FTO: variants seen among roughly 807,000 people sequenced by gnomAD.
FTO encodes FTO alpha-ketoglutarate dependent dioxygenase, also known as alpha-ketoglutarate-dependent dioxygenase FTO.
FTO carries 47 observed loss-of-function variants against 63.9 expected under a neutral mutation model. That is an observed-to-expected ratio of 0.74 (90% CI 0.58 to 0.94). The LOEUF (loss-of-function observed/expected upper bound fraction) is 0.94, where lower values mean the gene tolerates loss of function less well. FTO is among the 40% of genes least tolerant of loss of function. FTO has a pLI of 0.00. For synonymous variants in FTO, 207 were observed against 224.4 expected (o/e 0.92, Z 0.69); for missense variants, 562 against 618.1 (o/e 0.91, Z 0.96).
chr16:54,050,747 C>T (rs2085291905), intron 8 of FTO, among the ~76,000 whole-genome samples: 1 of 152,156 alleles, frequency 6.6e-6, no homozygotes, highest in Non-Finnish European at 1.5e-5. Flanking sequence ...AGCCTAAAAC[C>T]GCAATGGAGT....
In FTO at chr16:53,966,736, A is replaced by G. The variant is rs1006371500; in HGVS notation, c.1364+32627A>G. On this transcript the variant is annotated intron_variant, in intron 8 of 8. Coordinates refer to ENST00000471389, the MANE Select transcript of FTO (RefSeq NM_001080432.3). ...GTTCAGTGACCATCTTTGCAGTCAT[A>G]TACAAGTGATGCAATCACAAAAAGA... Among the ~76,000 whole-genome samples the G allele has an allele frequency of 3.3e-5, 5 of 152,228 alleles. No individual in the cohort carries two copies. The South Asian group carries it at 1.0e-3, about 32-fold the overall frequency.
intron 8 of FTO, among the ~76,000 whole-genome samples, chr16:53,947,308 T>G (rs2082673220): frequency 6.6e-6 from 1 of 152,210 alleles, no homozygotes; most frequent in Non-Finnish European, 1.5e-5. Context: ...GTCCCCAAGC[T>G]GTCTGTATTC....
intron 8 of FTO, among the ~76,000 whole-genome samples, chr16:54,083,270 C>T (rs930675134): frequency 1.3e-5 from 2 of 152,186 alleles, no homozygotes; most frequent in Non-Finnish European, 2.9e-5. Context: ...CCATTATCTC[C>T]TCACCTCCCC....
intron 8 of FTO, among the ~76,000 whole-genome samples, chr16:54,054,056 G>A (rs1017231046): frequency 6.6e-6 from 1 of 151,202 alleles, no homozygotes. Context: ...TTAGTTATTT[G>A]TTGTAATTAT....
intron 4 of FTO, among the ~76,000 whole-genome samples, chr16:53,854,876 A>G (rs945495283): frequency 6.6e-6 from 1 of 152,092 alleles, no homozygotes; most frequent in East Asian, 1.9e-4. Context: ...TTTGGGCAGT[A>G]TGGTCATTTT....
intron 8 of FTO, among the ~76,000 whole-genome samples, chr16:54,069,336 T>C (rs1446347144): frequency 6.6e-6 from 1 of 152,158 alleles, no homozygotes; most frequent in African/African-American, 2.4e-5. Context: ...GGCAGGGTAT[T>C]TAAAAGAACC....
chr16:53,762,987 G>A (rs189570985), intron 1 of FTO, among the ~76,000 whole-genome samples: 2 of 151,688 alleles, frequency 1.3e-5, no homozygotes, highest in Non-Finnish European at 2.9e-5. Flanking sequence ...AGCCTGATAC[G>A]ATCTTACTTT....
rs115057919 is a variant in FTO, at chr16:53,960,510, G to T, written c.1364+26401G>T. Among the ~76,000 whole-genome samples, 822 of 152,326 alleles carry T rather than the reference G, an allele frequency of 5.4e-3. 10 individuals are homozygous for T. The highest frequency in any genetic ancestry group is 0.017 in the African/African-American group (701 of 41,564). ...TCATTGTATTGTGCTTACAGACACA[G>T]TGTCAGCACATAAAATGTTAAACAT... On this transcript the variant is annotated intron_variant, in intron 8 of 8. Transcript: ENST00000471389.
intron 7 of FTO, among the ~76,000 whole-genome samples, chr16:53,914,166 G>A (rs1398852106): frequency 1.3e-5 from 2 of 151,952 alleles, no homozygotes; most frequent in African/African-American, 4.8e-5. Context: ...GGAAGACAGT[G>A]GTTTGCCTCA....
intron 1 of FTO, among the ~76,000 whole-genome samples, chr16:53,717,024 AT>A (rs1366216919): frequency 6.6e-6 from 1 of 151,480 alleles, no homozygotes; most frequent in Non-Finnish European, 1.5e-5. Flanking sequence ...AGTATATTAT[AT>A]TTTTTTCATA....
chr16:53,826,392 G>A lies in FTO; in HGVS notation c.652G>A (p.Glu218Lys). Reference sequence around the variant, plus strand: ...TCAGAAAATGCCATACCTGAAAGAGGAACCTTATTTTGGCATGGGGAAAAT... The same window carrying A: ...TCAGAAAATGCCATACCTGAAAGAGAAACCTTATTTTGGCATGGGGAAAAT... ...DPQKMPYLKE[E>K]PYFGMGKMAV... Residue 218 changes from glutamate (E) to lysine (K), a missense_variant, in exon 3 of 9, where the codon GAA becomes AAA. Physicochemically the swap from Glu to Lys is moderately conservative, Grantham distance 56. Transcript: ENST00000471389. 1 of 1,614,132 alleles carries A rather than the reference G, an allele frequency of 6.2e-7. No individual in the cohort carries two copies. The highest frequency in any genetic ancestry group is 8.5e-7 in the Non-Finnish European group (1 of 1,180,030).
At chr16:53,787,751 CAAATGACATTATAGTTAAATCAAGCCAAT>C (rs1271401506) in intron 1 of FTO, among the ~76,000 whole-genome samples, 2 of 151,898 alleles carry the variant, frequency 1.3e-5, no homozygotes. Context: ...CCAGGTGGGC[CAAATGACATTATAGTTAAATCAAGCCAAT>C]AAATATATGA....
At chr16:53,904,069 T>G (rs2081474008) in intron 7 of FTO, among the ~76,000 whole-genome samples, 1 of 151,926 alleles carries the variant, frequency 6.6e-6, no homozygotes, top group South Asian at 2.1e-4. Flanking sequence ...TATATGTATC[T>G]ATATTTACAT....
chr16:53,936,741 GA>G (rs1422554430), intron 8 of FTO, among the ~76,000 whole-genome samples: 2 of 152,180 alleles, frequency 1.3e-5, no homozygotes, highest in Non-Finnish European at 1.5e-5. Context: ...TTAGATAATA[GA>G]AATTTTTTTC....
intron 3 of FTO, among the ~76,000 whole-genome samples, chr16:53,831,037 C>T (rs1024994529): frequency 6.6e-6 from 1 of 152,136 alleles, no homozygotes; most frequent in African/African-American, 2.4e-5. Context: ...CTAGGATTTC[C>T]ATTCATGTCT....
chr16:54,116,074 A>C lies in FTO; in HGVS notation c.*4159A>C, dbSNP rs541407897. On this transcript the variant is annotated 3_prime_UTR_variant, in exon 9 of 9. Transcript: ENST00000471389. ...GGGTCATGGCATCATTGGTGACACA[A>C]TTTTAGTAATAAGCTTCAAAACCCA... 6.6e-6 allele frequency: 1 copy of C among 152,340 alleles called. No individual in the cohort carries two copies. Among genetic ancestry groups the C allele is most frequent in the South Asian group, 2.1e-4 (1 of 4,820 alleles). The allele number at this position is 152,340 out of a possible 1,614,324, so 9.4% of individuals were successfully genotyped here. A position where few individuals can be genotyped will look rare whatever the true frequency, so the allele number is the denominator to read the frequency against.
At chr16:53,724,802 G>A (rs1314525872) in intron 1 of FTO, among the ~76,000 whole-genome samples, 1 of 152,140 alleles carries the variant, frequency 6.6e-6, no homozygotes, top group Non-Finnish European at 1.5e-5. Flanking sequence ...CGGAAGCCCC[G>A]AGGAAGAAAT....
At chr16:54,038,568 G>C (rs1019496836) in intron 8 of FTO, among the ~76,000 whole-genome samples, 3 of 152,148 alleles carry the variant, frequency 2.0e-5, no homozygotes, top group Admixed American at 2.0e-4. Context: ...CCCATTGTTG[G>C]AGGGAGGCCT....
At chr16:53,756,337 GATT>G (rs2076922990) in intron 1 of FTO, among the ~76,000 whole-genome samples, 2 of 152,158 alleles carry the variant, frequency 1.3e-5, no homozygotes, top group Non-Finnish European at 2.9e-5. Flanking sequence ...TCTTTTCTTA[GATT>G]ATTAGAGGCC....
Sources: allele counts gnomAD v4.1 joint callset (sites outside exome capture counted in the v4.1 genomes callset), GRCh38; gene constraint gnomAD v4.1.1; transcripts MANE v1.5; gene names NCBI Gene and HGNC (gene_info 2026-07-23, HGNC 2026-07-21).